Variants in TSPAN14 observed in about 807,000 individuals in gnomAD.
The protein encoded by TSPAN14 is tetraspanin 14, also known as tetraspanin-14.
Under a neutral mutation model 36.6 loss-of-function variants are expected in TSPAN14, and 16 were observed. The ratio of observed to expected loss-of-function variants is 0.44; its 90% CI spans 0.30 to 0.66. TSPAN14 has a LOEUF of 0.66. Ranked by LOEUF, TSPAN14 falls within the 30% of genes least tolerant of loss-of-function variation. TSPAN14 has a pLI of 0.12. For missense variants in TSPAN14, 231 were observed against 355.1 expected, an observed-to-expected ratio of 0.65 and a Z score of 2.81; for synonymous variants, 139 against 143.8, an observed-to-expected ratio of 0.97 and a Z score of 0.24.
chr10:80,467,327 T>C (rs915150396), intron 1 of TSPAN14, among the ~76,000 whole-genome samples: 2 of 152,176 alleles, frequency 1.3e-5, no homozygotes, highest in African/African-American at 4.8e-5. Context: ...ATTTTATTTT[T>C]AGTTTACAGG....
intron 1 of TSPAN14, among the ~76,000 whole-genome samples, chr10:80,456,472 G>A (rs1436960210): frequency 2.6e-5 from 4 of 152,188 alleles, no homozygotes; most frequent in African/African-American, 9.7e-5. Flanking sequence ...AGGTTGTGGC[G>A]GCAGTGAAGT....
At chr10:80,516,398 T>C in intron 8 of TSPAN14, 75 bp downstream of exon 8, 2 of 1,598,296 alleles carry the variant, frequency 1.3e-6, no homozygotes, top group Non-Finnish European at 8.6e-7. Flanking sequence ...ATAGAGTGCA[T>C]GGGTCCAGTT....
chr10:80,507,128 G>C, intron 3 of TSPAN14, 100 bp from the exon 4 acceptor site: 1 of 1,471,282 alleles, frequency 6.8e-7, no homozygotes, highest in East Asian at 2.4e-5. Flanking sequence ...TGAGCCTGGG[G>C]AAGCAAGTCC....
intron 2 of TSPAN14, 109 bp from the exon 3 acceptor site, chr10:80,504,619 T>G: frequency 4.7e-5 from 62 of 1,314,258 alleles, no homozygotes; most frequent in Non-Finnish European, 6.3e-5. Context: ...ATGTGGGATG[T>G]GAGCTAGGAG....
intron 1 of TSPAN14, among the ~76,000 whole-genome samples, chr10:80,472,763 A>C (rs968209389): frequency 6.6e-6 from 1 of 152,050 alleles, no homozygotes; most frequent in Admixed American, 6.5e-5. Flanking sequence ...ATGAATTCTT[A>C]TTTTATTCAA....
intron 1 of TSPAN14, among the ~76,000 whole-genome samples, chr10:80,461,202 G>T (rs912013632): frequency 1.3e-5 from 2 of 152,172 alleles, no homozygotes; most frequent in Non-Finnish European, 2.9e-5. Flanking sequence ...CCCTGCACAG[G>T]TGACCCTGTT....
At chr10:80,494,602 C>G (rs1848092177) in intron 2 of TSPAN14, among the ~76,000 whole-genome samples, 1 of 152,154 alleles carries the variant, frequency 6.6e-6, no homozygotes, top group Non-Finnish European at 1.5e-5. Flanking sequence ...TGCCACCTCC[C>G]AGGATAGTCT....
At chr10:80,482,990 C>T (rs1847378655) in intron 1 of TSPAN14, among the ~76,000 whole-genome samples, 1 of 152,144 alleles carries the variant, frequency 6.6e-6, no homozygotes, top group African/African-American at 2.4e-5. Flanking sequence ...CTGTCTCAGC[C>T]TCCCAAAGTG....
rs560175341 is a variant in TSPAN14 at position 80,454,896 on chromosome 10, C to T, written c.-18+525C>T. On this transcript the variant is annotated intron_variant, in intron 1 of 8. Coordinates refer to ENST00000429989, the Ensembl canonical transcript of TSPAN14. ...GGGCCGCCCCTTCCTCCTGCCCCGC[C>T]GTGGTTGTGCTCAGTCTCCCACGCC... Among the ~76,000 whole-genome samples the T allele has an allele frequency of 8.5e-5, 13 of 152,290 alleles. No individual in the cohort carries two copies. The South Asian group carries it at 2.7e-3, about 32-fold the overall frequency.
chr10:80,478,859 T>G (rs934982920), intron 1 of TSPAN14, among the ~76,000 whole-genome samples: 6 of 152,234 alleles, frequency 3.9e-5, no homozygotes, highest in Non-Finnish European at 8.8e-5. Flanking sequence ...CTGTCTCCAT[T>G]AAGAATATAA....
chr10:80,474,352 A>G (rs1174558073), intron 1 of TSPAN14, among the ~76,000 whole-genome samples: 1 of 151,940 alleles, frequency 6.6e-6, no homozygotes, highest in Non-Finnish European at 1.5e-5. Context: ...TCCTTAGGAA[A>G]AAGAGGGGCC....
At chr10:80,520,782 C>T (rs1841229068) in exon 9 of TSPAN14, 1 of 533,528 alleles carries the variant, frequency 1.9e-6, no homozygotes, top group African/African-American at 1.9e-5. Context: ...TAGCTGAAAG[C>T]TGCTTATCCC....
chr10:80,512,207 G>A (rs766050430), exon 6 of TSPAN14: 86 of 1,614,066 alleles, frequency 5.3e-5, no homozygotes, highest in African/African-American at 1.6e-4. Context: ...CAATTGCAGC[G>A]GTGCCAGCTA....
chr10:80,498,124 A>C (rs1848295065), intron 2 of TSPAN14, among the ~76,000 whole-genome samples: 1 of 152,096 alleles, frequency 6.6e-6, no homozygotes, highest in African/African-American at 2.4e-5. Context: ...TGGGGTCTGC[A>C]CCCTCTGGTC....
chr10:80,522,598 CTT>C (rs1242075111), exon 9 of TSPAN14: 2 of 152,168 alleles, frequency 1.3e-5, no homozygotes, highest in African/African-American at 4.8e-5. Flanking sequence ...AAAAAGTACA[CTT>C]AAATAAAAAT....
intron 1 of TSPAN14, among the ~76,000 whole-genome samples, chr10:80,480,539 A>G (rs1388904827): frequency 6.6e-6 from 1 of 152,234 alleles, no homozygotes; most frequent in Non-Finnish European, 1.5e-5. Context: ...CCAAATGTCC[A>G]ACAGTGATAG....
intron 1 of TSPAN14, among the ~76,000 whole-genome samples, 161 bp downstream of exon 1, chr10:80,454,532 C>A (rs1030363097): frequency 6.6e-6 from 1 of 151,872 alleles, no homozygotes; most frequent in Non-Finnish European, 1.5e-5. Flanking sequence ...GCCCCGCGGG[C>A]GGCGCTGGCT....
At chr10:80,471,469 G>A (rs948752761) in intron 1 of TSPAN14, among the ~76,000 whole-genome samples, 1 of 152,016 alleles carries the variant, frequency 6.6e-6, no homozygotes, top group Non-Finnish European at 1.5e-5. Context: ...GACTCTCCAC[G>A]TTTGTTTGCA....
chr10:80,487,906 G>A (rs921140256), intron 1 of TSPAN14, among the ~76,000 whole-genome samples: 9 of 152,174 alleles, frequency 5.9e-5, no homozygotes, highest in African/African-American at 1.2e-4. Flanking sequence ...CACAGGTTCC[G>A]TTTCCAGAGG....
Sources: gnomAD v4.1 joint callset for allele counts (sites outside exome capture counted in the v4.1 genomes callset) on GRCh38, gnomAD v4.1.1 for gene constraint, MANE v1.5 for transcripts, NCBI Gene and HGNC (gene_info 2026-07-23, HGNC 2026-07-21) for gene names.